The following AGAP1 variants were observed in gnomAD, a reference collection of about 807,000 sequenced individuals.
AGAP1 encodes the protein arf-GAP with GTPase, ANK repeat and PH domain-containing protein 1.
Under a neutral mutation model 105.3 loss-of-function variants are expected in AGAP1, and 29 were observed. The observed-to-expected ratio is 0.28, with a 90% CI of 0.21 to 0.38. The LOEUF (loss-of-function observed/expected upper bound fraction) is 0.38. Among genes scored for constraint, AGAP1 ranks in the 10% least tolerant of loss-of-function variants. AGAP1 has a pLI of 1.00. For synonymous variants in AGAP1, 509 were observed against 485.9 expected (o/e 1.05, Z -0.63); for missense variants, 998 against 1,165.1 (o/e 0.86, Z 2.09).
intron 1 of AGAP1, among the ~76,000 whole-genome samples, chr2:235,647,384 T>A (rs1947427761): frequency 6.6e-6 from 1 of 152,088 alleles, no homozygotes; most frequent in South Asian, 2.1e-4. Flanking sequence ...AGTTGAGCAA[T>A]CACATTTCTT....
rs559310257 is a variant in AGAP1, at chr2:236,063,633, A to G, written c.2114+14352A>G. 2.0e-4 allele frequency among the ~76,000 whole-genome samples: 30 copies of G among 152,348 alleles called. No homozygotes were observed. In the East Asian group the frequency reaches 3.9e-3, roughly 20 times the overall value. On this transcript the variant is annotated intron_variant, in intron 16 of 17. Transcript: ENST00000304032. ...TGATTGATTTCTAGGCTGGCCACCC[A>G]GTGTAGCAGAGGCCCAGCCTCACCT...
rs573697906 is a variant in AGAP1 at position 235,843,218 on chromosome 2, C to G, written c.1050+35887C>G. On this transcript the variant is annotated intron_variant, in intron 9 of 17. Coordinates refer to ENST00000304032, the MANE Select transcript of AGAP1 (RefSeq NM_001037131.3). The surrounding 1 kb of genome is among the most constrained non-coding windows in gnomAD (Gnocchi z 5.9). The stretch of plus-strand genomic sequence containing the variant: ...CCAGAACCCATCACCAGCCCTCCTT[C>G]TTAGAGAGTGGTCTTCGGGAGGACC... 8.9e-6 allele frequency among the ~76,000 whole-genome samples: 1 copy of G among 112,094 alleles called. No homozygotes were observed. Among genetic ancestry groups the G allele is most frequent in the African/African-American group, 2.5e-5 (1 of 39,274 alleles). 73.5% of individuals were successfully genotyped at this position (112,094 alleles called of 152,430 possible).
At chr2:235,868,508 AC>A (rs2049289602) in intron 9 of AGAP1, among the ~76,000 whole-genome samples, 2 of 151,956 alleles carry the variant, frequency 1.3e-5, no homozygotes, top group Admixed American at 1.3e-4. Context: ...TTGCTCCATC[AC>A]CCCGTAGGAG....
intron 6 of AGAP1, among the ~76,000 whole-genome samples, chr2:235,758,973 A>C (rs1954168321): frequency 6.6e-6 from 1 of 151,696 alleles, no homozygotes; most frequent in South Asian, 2.1e-4. Flanking sequence ...TTGTATTTTT[A>C]GTAGAAATGG....
Position 236,080,132 on chromosome 2 carries a change from A to G in AGAP1, c.2114+30851A>G, listed in dbSNP as rs2058743002. ...CCTAAGCTTAGGAACCAAATCTTCT[A>G]CAGTGGGCACAAAGCACATTTGCCC... is the stretch of plus-strand genomic sequence containing the variant. On this transcript the variant is annotated intron_variant, in intron 16 of 17. Coordinates refer to ENST00000304032, the MANE Select transcript of AGAP1 (RefSeq NM_001037131.3). This position sits in a 1 kb window ranked among gnomAD's most constrained non-coding sequence, Gnocchi z 4.2. Among the ~76,000 whole-genome samples the G allele has an allele frequency of 6.6e-6, 1 of 152,324 alleles. No homozygotes were observed. Among genetic ancestry groups the G allele is most frequent in the South Asian group, 2.1e-4 (1 of 4,826 alleles).
Position 235,721,503 on chromosome 2 carries a change from G to A in AGAP1, c.310+3859G>A, listed in dbSNP as rs1163074686. 6.7e-6 allele frequency among the ~76,000 whole-genome samples: 1 copy of A among 149,550 alleles called. No individual in the cohort carries two copies. The highest frequency in any genetic ancestry group is 1.5e-5 in the Non-Finnish European group (1 of 67,094). On this transcript the variant is annotated intron_variant, in intron 3 of 17. Coordinates refer to ENST00000304032, the MANE Select transcript of AGAP1 (RefSeq NM_001037131.3). The surrounding 1 kb of genome is among the most constrained non-coding windows in gnomAD (Gnocchi z 4.5). ...TGTGTGTGTGTGTGTGTGTGTGTGTGTACACCTAGGTGTGTAATATATGTA... is the reference window on the plus strand; with the variant it reads ...TGTGTGTGTGTGTGTGTGTGTGTGTATACACCTAGGTGTGTAATATATGTA...
intron 9 of AGAP1, among the ~76,000 whole-genome samples, chr2:235,815,552 G>A (rs984308245): frequency 4.6e-5 from 7 of 152,136 alleles, no homozygotes; most frequent in South Asian, 2.1e-4. Flanking sequence ...GAGCTGGGAC[G>A]GGAGCTGAGC....
intron 1 of AGAP1, among the ~76,000 whole-genome samples, chr2:235,514,033 C>T (rs981861896): frequency 1.3e-5 from 2 of 152,180 alleles, no homozygotes; most frequent in Admixed American, 1.3e-4. Flanking sequence ...TGAGGTTGTG[C>T]GTTCCCCTGT....
intron 12 of AGAP1, among the ~76,000 whole-genome samples, chr2:235,938,978 C>T (rs1463398729): frequency 6.6e-6 from 1 of 152,132 alleles, no homozygotes; most frequent in Non-Finnish European, 1.5e-5. Context: ...GTGGAATGTC[C>T]CCCAGGGGTT....
chr2:235,549,133 T>G lies in AGAP1; in HGVS notation c.163+54284T>G, dbSNP rs1052130576. Among the ~76,000 whole-genome samples, 1 of 152,192 alleles carries G rather than the reference T, an allele frequency of 6.6e-6. No individual in the cohort carries two copies. Among genetic ancestry groups the G allele is most frequent in the Non-Finnish European group, 1.5e-5 (1 of 68,026 alleles). On this transcript the variant is annotated intron_variant, in intron 1 of 17. Transcript: ENST00000304032. This position sits in a 1 kb window ranked among gnomAD's most constrained non-coding sequence, Gnocchi z 4.2. ...TGCTAATGACTAAATCATTCAAGCC[T>G]TCTTCTTCCTGGATTTTATACCTCC...
chr2:235,583,285 C>G (rs978039153), intron 1 of AGAP1, among the ~76,000 whole-genome samples: 2 of 151,942 alleles, frequency 1.3e-5, no homozygotes, highest in Non-Finnish European at 2.9e-5. Context: ...GGCCTTGAAC[C>G]TTGGTCTTAA....
At chr2:235,917,015 G>C (rs1403612486) in intron 11 of AGAP1, among the ~76,000 whole-genome samples, 1 of 152,124 alleles carries the variant, frequency 6.6e-6, no homozygotes, top group Non-Finnish European at 1.5e-5. Flanking sequence ...GTAACTCCTG[G>C]TTGTGACATT....
At chr2:235,945,099 A>G (rs932665039) in intron 12 of AGAP1, among the ~76,000 whole-genome samples, 2 of 152,060 alleles carry the variant, frequency 1.3e-5, no homozygotes, top group Non-Finnish European at 2.9e-5. Flanking sequence ...TTCATTTTTA[A>G]AATTCTTTTT....
At position 235,867,361 on chromosome 2, in the gene AGAP1, T is replaced by C. The variant is rs908232965; in HGVS notation, c.1051-15984T>C. 6.6e-6 allele frequency among the ~76,000 whole-genome samples: 1 copy of C among 152,100 alleles called. No homozygotes were observed. The highest frequency in any genetic ancestry group is 6.5e-5 in the Admixed American group (1 of 15,280). On this transcript the variant is annotated intron_variant, in intron 9 of 17. Transcript: ENST00000304032. The surrounding 1 kb of genome is among the most constrained non-coding windows in gnomAD (Gnocchi z 5.4). ...ACTTGACTGTGTTCCGATAAAACTT[T>C]ATTTACAGAAAGAGGCAGAGGATCA...
intron 9 of AGAP1, among the ~76,000 whole-genome samples, chr2:235,833,587 A>T (rs539301407): frequency 1.3e-5 from 2 of 150,784 alleles, no homozygotes; most frequent in Non-Finnish European, 2.9e-5. Context: ...GATCCCACCT[A>T]TCCTGGCTTC....
Position 236,092,807 on chromosome 2 carries a change from T to G in AGAP1, c.2115-27385T>G, listed in dbSNP as rs903495036. On this transcript the variant is annotated intron_variant, in intron 16 of 17. Transcript: ENST00000304032. The surrounding 1 kb of genome is among the most constrained non-coding windows in gnomAD (Gnocchi z 4.7). Reference sequence around the variant, plus strand: ...CTTCCCTTAAAAGAATCAGGGCTCCTTGGAGAAATGGCTCATTCCAGATCT... The same window carrying G: ...CTTCCCTTAAAAGAATCAGGGCTCCGTGGAGAAATGGCTCATTCCAGATCT... 1.5e-4 allele frequency among the ~76,000 whole-genome samples: 23 copies of G among 152,334 alleles called. No individual in the cohort carries two copies. The highest frequency in any genetic ancestry group is 5.5e-4 in the African/African-American group (23 of 41,578).
rs984616347 is a variant in AGAP1 at position 235,609,967 on chromosome 2, C to T, written c.164-99212C>T. On this transcript the variant is annotated intron_variant, in intron 1 of 17. Coordinates refer to ENST00000304032, the MANE Select transcript of AGAP1 (RefSeq NM_001037131.3). This position sits in a 1 kb window ranked among gnomAD's most constrained non-coding sequence, Gnocchi z 5.1. The stretch of plus-strand genomic sequence containing the variant: ...ACCTGAGAATACCTGGTGTTTCCTT[C>T]CTCAGGGACGGTTTGGCACTGGGCA... Among the ~76,000 whole-genome samples, 2 of 152,104 alleles carry T rather than the reference C, an allele frequency of 1.3e-5. No homozygotes were observed. Among genetic ancestry groups the T allele is most frequent in the African/African-American group, 2.4e-5 (1 of 41,422 alleles).
chr2:235,629,942 C>T (rs1946773462), intron 1 of AGAP1, among the ~76,000 whole-genome samples: 1 of 150,952 alleles, frequency 6.6e-6, no homozygotes, highest in South Asian at 2.1e-4. Flanking sequence ...ACAGACATTA[C>T]TCCAGAGATT....
intron 1 of AGAP1, among the ~76,000 whole-genome samples, chr2:235,505,162 T>A (rs1385609327): frequency 2.0e-5 from 3 of 152,248 alleles, no homozygotes; most frequent in Non-Finnish European, 4.4e-5. Flanking sequence ...TAAACTGTGT[T>A]ATGGCCTTCA....
Sources: allele counts gnomAD v4.1 joint callset (sites outside exome capture counted in the v4.1 genomes callset), GRCh38; gene constraint gnomAD v4.1.1; non-coding constraint Gnocchi (gnomAD v3.1); transcripts MANE v1.5; gene names NCBI Gene and HGNC (gene_info 2026-07-23, HGNC 2026-07-21).